Variants in RAP2A observed in about 807,000 individuals in gnomAD.
RAP2A encodes RAP2A, member of RAS oncogene family.
In RAP2A, 5 loss-of-function variants were observed where a neutral mutation model predicts 15.1. The ratio of observed to expected loss-of-function variants is 0.33; its 90% CI spans 0.17 to 0.70. RAP2A has a LOEUF of 0.70. Ranked by LOEUF, RAP2A falls within the 30% of genes least tolerant of loss-of-function variation. RAP2A has a pLI of 0.68. For synonymous variants in RAP2A, 110 were observed against 99.7 expected (o/e 1.10, Z -0.62); for missense variants, 111 against 240.3 (o/e 0.46, Z 3.56).
At chr13:97,452,515 A>G (rs2066705862) in intron 1 of RAP2A, among the ~76,000 whole-genome samples, 1 of 151,178 alleles carries the variant, frequency 6.6e-6, no homozygotes, top group South Asian at 2.1e-4. Flanking sequence ...TAATTTTTGT[A>G]ACTTTATAGT....
At chr13:97,438,229 C>T (rs978323337) in intron 1 of RAP2A, among the ~76,000 whole-genome samples, 1 of 152,156 alleles carries the variant, frequency 6.6e-6, no homozygotes, top group South Asian at 2.1e-4. Context: ...ACATGATATA[C>T]AAGGCCTCTT....
chr13:97,461,289 A>C (rs559672839), intron 1 of RAP2A, among the ~76,000 whole-genome samples: 98 of 152,282 alleles, frequency 6.4e-4, no homozygotes, highest in South Asian at 2.3e-3. Context: ...GGTATTCTGA[A>C]ATGTACATAA....
chr13:97,436,528 A>G (rs1594321114), intron 1 of RAP2A, among the ~76,000 whole-genome samples: 1 of 152,228 alleles, frequency 6.6e-6, no homozygotes, highest in Non-Finnish European at 1.5e-5. Flanking sequence ...ATAAAGCCAC[A>G]TACCCATGGC....
chr13:97,465,563 ATAAAT>A lies in RAP2A; in HGVS notation c.*1124_*1128del, dbSNP rs1329168217. The A allele has an allele frequency of 5.2e-5, 8 of 152,768 alleles. No homozygotes were observed. In the East Asian group the frequency reaches 1.5e-3, roughly 29 times the overall value. The allele number at this position is 152,768 out of a possible 1,614,324, so 9.5% of individuals were successfully genotyped here. On this transcript the variant is annotated 3_prime_UTR_variant, in exon 2 of 2. Transcript: ENST00000245304. ...AAATAATTTGGGCTTAAAAGTGAAC[ATAAAT>A]TATAGAGTGGAAGGTAAGGGACAAA...
At chr13:97,453,738 T>G (rs2066711758) in intron 1 of RAP2A, among the ~76,000 whole-genome samples, 1 of 151,160 alleles carries the variant, frequency 6.6e-6, no homozygotes, top group African/African-American at 2.4e-5. Flanking sequence ...GGTGCAATTT[T>G]TCACTCGTGA....
rs1445580283 is a variant in RAP2A at position 97,434,241 on chromosome 13, G to C, written c.-230G>C. The stretch of plus-strand genomic sequence containing the variant: ...CTCTGCTCGCCCTCAGTCCCACCCG[G>C]TGCCTACGGGGCCGCATCGCCGCCC... On this transcript the variant is annotated 5_prime_UTR_variant, in exon 1 of 2. Coordinates refer to ENST00000245304, the MANE Select transcript of RAP2A (RefSeq NM_021033.7). 1.3e-5 allele frequency: 2 copies of C among 150,668 alleles called. No homozygotes were observed. Among genetic ancestry groups the C allele is most frequent in the African/African-American group, 2.5e-5 (1 of 40,710 alleles). The allele number at this position is 150,668 out of a possible 1,614,324, so 9.3% of individuals were successfully genotyped here.
At chr13:97,439,730 G>A (rs2066649118) in intron 1 of RAP2A, among the ~76,000 whole-genome samples, 1 of 152,182 alleles carries the variant, frequency 6.6e-6, no homozygotes, top group Middle Eastern at 3.4e-3. Flanking sequence ...GAATGGATAT[G>A]GCTAACAATA....
At chr13:97,437,364 G>A (rs1319915643) in intron 1 of RAP2A, 1 of 151,980 alleles carries the variant, frequency 6.6e-6, no homozygotes. Flanking sequence ...GAGGTCTAAG[G>A]TGTATATGAT....
chr13:97,462,072 A>T (rs1379849451), intron 1 of RAP2A, among the ~76,000 whole-genome samples: 2 of 145,218 alleles, frequency 1.4e-5, no homozygotes, highest in African/African-American at 5.0e-5. Flanking sequence ...ATATTTATAT[A>T]TTATATATAT....
intron 1 of RAP2A, among the ~76,000 whole-genome samples, chr13:97,439,024 G>T (rs1363714666): frequency 6.6e-6 from 1 of 152,180 alleles, no homozygotes; most frequent in African/African-American, 2.4e-5. Context: ...AGTTGGGGCA[G>T]TGTTTAATAC....
At chr13:97,464,109 A>G in intron 1 of RAP2A, 96 bp from the exon 2 acceptor site, 1 of 1,046,946 alleles carries the variant, frequency 9.6e-7, no homozygotes, top group Non-Finnish European at 1.4e-6. Flanking sequence ...GATACCATTT[A>G]TGTTGGAATA....
chr13:97,439,552 G>A (rs1040641289), intron 1 of RAP2A, among the ~76,000 whole-genome samples: 1 of 152,158 alleles, frequency 6.6e-6, no homozygotes, highest in Non-Finnish European at 1.5e-5. Flanking sequence ...ATTATTTTCA[G>A]TTTTGGAGAT....
chr13:97,438,245 T>C (rs1594321529), intron 1 of RAP2A, among the ~76,000 whole-genome samples: 2 of 152,302 alleles, frequency 1.3e-5, no homozygotes, highest in South Asian at 4.1e-4. Context: ...CTCTTTGCTG[T>C]TAGGAAAAAG....
intron 1 of RAP2A, among the ~76,000 whole-genome samples, chr13:97,454,750 C>G (rs1053095008): frequency 6.6e-6 from 1 of 151,284 alleles, no homozygotes; most frequent in African/African-American, 2.4e-5. Flanking sequence ...TGCTTTGATA[C>G]TATTTTCCTT....
chr13:97,445,571 TG>T (rs1471289905), intron 1 of RAP2A, among the ~76,000 whole-genome samples: 1 of 152,254 alleles, frequency 6.6e-6, no homozygotes, highest in African/African-American at 2.4e-5. Flanking sequence ...CTATAATGTT[TG>T]CATAAACCCT....
At chr13:97,454,955 A>G (rs2066716790) in intron 1 of RAP2A, among the ~76,000 whole-genome samples, 1 of 151,160 alleles carries the variant, frequency 6.6e-6, no homozygotes, top group Non-Finnish European at 1.5e-5. Context: ...GTCTTCTGGC[A>G]TCTGTGGTTT....
chr13:97,439,140 G>A (rs1302104969), intron 1 of RAP2A, among the ~76,000 whole-genome samples: 1 of 152,138 alleles, frequency 6.6e-6, no homozygotes, highest in Non-Finnish European at 1.5e-5. Flanking sequence ...CTGGCCAAAT[G>A]GGGAATGTAT....
At chr13:97,439,623 GTCAGGTTATGT>G (rs1319176622) in intron 1 of RAP2A, among the ~76,000 whole-genome samples, 10 of 152,154 alleles carry the variant, frequency 6.6e-5, no homozygotes, top group African/African-American at 2.4e-4. Flanking sequence ...AGCCTGAAAG[GTCAGGTTATGT>G]ATGAATATGA....
chr13:97,454,825 A>T (rs1008248827), intron 1 of RAP2A, among the ~76,000 whole-genome samples: 1 of 151,380 alleles, frequency 6.6e-6, no homozygotes, highest in African/African-American at 2.4e-5. Context: ...ATTTTCTTAG[A>T]TTTCCTTCAC....
Sources: gnomAD v4.1 joint callset for allele counts (sites outside exome capture counted in the v4.1 genomes callset) on GRCh38, gnomAD v4.1.1 for gene constraint, MANE v1.5 for transcripts, NCBI Gene and HGNC (gene_info 2026-07-23, HGNC 2026-07-21) for gene names.